COG5: variants seen among roughly 807,000 people sequenced by gnomAD.
COG5 encodes the protein component of oligomeric golgi complex 5.
Under a neutral mutation model 110.4 loss-of-function variants are expected in COG5, and 86 were observed. That is an observed-to-expected ratio of 0.78 (90% CI 0.65 to 0.93). The LOEUF is 0.93. Among genes scored for constraint, COG5 ranks in the 40% least tolerant of loss-of-function variants. The probability of loss-of-function intolerance (pLI) is 0.00; values close to 1 mark genes in which losing one functional copy is unlikely to be tolerated. For synonymous variants in COG5, 360 were observed against 334.6 expected, an observed-to-expected ratio of 1.08 and a Z score of -0.83; for missense variants, 1,077 against 987.0, an observed-to-expected ratio of 1.09 and a Z score of -1.22.
chr7:107,369,137 G>A (rs556656774), intron 8 of COG5, among the ~76,000 whole-genome samples: 35 of 152,106 alleles, frequency 2.3e-4, no homozygotes, highest in East Asian at 3.9e-4. Flanking sequence ...TCCAATGTGC[G>A]TATTTACACT....
intron 6 of COG5, among the ~76,000 whole-genome samples, chr7:107,457,107 A>G (rs1358198567): frequency 1.3e-5 from 2 of 152,222 alleles, no homozygotes; most frequent in Non-Finnish European, 2.9e-5. Flanking sequence ...AAAAGATGAC[A>G]AAATTACATG....
intron 6 of COG5, among the ~76,000 whole-genome samples, chr7:107,475,822 TC>T (rs1796941954): frequency 1.3e-5 from 2 of 151,840 alleles, no homozygotes; most frequent in Non-Finnish European, 3.0e-5. Flanking sequence ...TCCAGTATTT[TC>T]CATACCACTA....
At chr7:107,519,698 C>T (rs754426603) in intron 6 of COG5, among the ~76,000 whole-genome samples, 59 of 152,114 alleles carry the variant, frequency 3.9e-4, no homozygotes, top group Non-Finnish European at 6.6e-4. Context: ...GATTCACAGC[C>T]GAATTCTGCC....
intron 6 of COG5, among the ~76,000 whole-genome samples, chr7:107,506,291 T>C (rs2129140039): frequency 6.6e-6 from 1 of 152,294 alleles, no homozygotes; most frequent in Admixed American, 6.5e-5. Context: ...TGGTCTTATG[T>C]TACCCAGGGG....
chr7:107,293,937 T>C (rs1050568018), intron 12 of COG5, among the ~76,000 whole-genome samples: 1 of 151,914 alleles, frequency 6.6e-6, no homozygotes, highest in Admixed American at 6.6e-5. Context: ...CTGGGCATGG[T>C]GGTGTGTGCC....
intron 6 of COG5, among the ~76,000 whole-genome samples, chr7:107,440,279 A>G (rs1232468948): frequency 6.6e-6 from 1 of 152,124 alleles, no homozygotes; most frequent in Non-Finnish European, 1.5e-5. Context: ...TGAATTAATT[A>G]CCATAAGTTT....
At chr7:107,313,508 T>G (rs1255887633) in intron 11 of COG5, among the ~76,000 whole-genome samples, 1 of 152,196 alleles carries the variant, frequency 6.6e-6, no homozygotes, top group Admixed American at 6.5e-5. Flanking sequence ...TCTTATAGTT[T>G]TGGAGGTCAG....
At chr7:107,472,971 C>T (rs954288872) in intron 6 of COG5, 2 of 151,612 alleles carry the variant, frequency 1.3e-5, no homozygotes, top group Non-Finnish European at 3.0e-5. Context: ...TTATTCTAAA[C>T]CCCTATATAT....
intron 6 of COG5, among the ~76,000 whole-genome samples, chr7:107,462,091 T>C (rs564660751): frequency 2.4e-4 from 37 of 152,256 alleles, no homozygotes; most frequent in African/African-American, 7.7e-4. Flanking sequence ...GATCTACAAA[T>C]AGAAACTTCT....
intron 19 of COG5, among the ~76,000 whole-genome samples, chr7:107,223,788 T>C (rs1800123336): frequency 1.3e-5 from 2 of 152,180 alleles, no homozygotes; most frequent in Admixed American, 1.3e-4. Context: ...GGGTCTAAAA[T>C]GTGACTCCCA....
At chr7:107,481,562 A>G (rs940622558) in intron 6 of COG5, among the ~76,000 whole-genome samples, 2 of 152,060 alleles carry the variant, frequency 1.3e-5, no homozygotes, top group African/African-American at 4.8e-5. Context: ...AACTGAGTAC[A>G]CTGGTTGGGT....
At chr7:107,554,729 T>C (rs1803175750) in intron 2 of COG5, among the ~76,000 whole-genome samples, 1 of 152,172 alleles carries the variant, frequency 6.6e-6, no homozygotes. Context: ...GATGGTACCT[T>C]GTATCTATCT....
chr7:107,352,312 AG>A (rs1373330261), intron 10 of COG5, among the ~76,000 whole-genome samples: 1 of 69,196 alleles, frequency 1.4e-5, no homozygotes, highest in Non-Finnish European at 2.6e-5. Context: ...GGGTGGGGGG[AG>A]GGGGGAGGGA....
At chr7:107,339,607 A>C (rs1456619074) in intron 10 of COG5, among the ~76,000 whole-genome samples, 1 of 152,122 alleles carries the variant, frequency 6.6e-6, no homozygotes, top group Non-Finnish European at 1.5e-5. Context: ...TCCAAGATTC[A>C]TCACATGCTA....
At chr7:107,396,550 T>C (rs1791027711) in intron 7 of COG5, among the ~76,000 whole-genome samples, 1 of 144,572 alleles carries the variant, frequency 6.9e-6, no homozygotes, top group South Asian at 2.2e-4. Context: ...GGGTGGGAAA[T>C]GAGAGAAAAA....
chr7:107,475,218 T>C, intron 6 of COG5: 1 of 1,611,954 alleles, frequency 6.2e-7, no homozygotes, highest in Non-Finnish European at 8.5e-7. Flanking sequence ...AAAAGCGAGT[T>C]GTTTCTATAG....
chr7:107,554,867 T>G (rs570418163), intron 2 of COG5, among the ~76,000 whole-genome samples: 1 of 152,154 alleles, frequency 6.6e-6, no homozygotes, highest in Non-Finnish European at 1.5e-5. Context: ...GAGATTAAGT[T>G]TCAACATATG....
chr7:107,215,663 TCAAA>T (rs1018123941), intron 19 of COG5, among the ~76,000 whole-genome samples: 15 of 151,724 alleles, frequency 9.9e-5, no homozygotes, highest in Non-Finnish European at 1.5e-4. Flanking sequence ...AGACTCCGTC[TCAAA>T]CAAACAAACA....
chr7:107,357,056 A>G (rs1007373072), intron 10 of COG5, among the ~76,000 whole-genome samples: 5 of 152,166 alleles, frequency 3.3e-5, no homozygotes, highest in Non-Finnish European at 7.4e-5. Context: ...TATAAGCATT[A>G]TTATTTAGGG....
Sources: allele counts gnomAD v4.1 joint callset (sites outside exome capture counted in the v4.1 genomes callset), GRCh38; gene constraint gnomAD v4.1.1; transcripts MANE v1.5; gene names NCBI Gene and HGNC (gene_info 2026-07-23, HGNC 2026-07-21).